The following AGMO variants were observed in gnomAD, a reference collection of about 807,000 sequenced individuals.
AGMO encodes the protein glyceryl-ether monooxygenase.
A neutral mutation model predicts 60.2 loss-of-function variants in AGMO; 75 were observed. The observed-to-expected ratio is 1.25, with a 90% CI of 1.03 to 1.51. The LOEUF is 1.51. AGMO is among the 40% of genes most tolerant of loss of function. AGMO has a pLI of 0.00. For missense variants in AGMO, 763 were observed against 525.5 expected (o/e 1.45, Z -4.42); for synonymous variants, 261 against 177.1 (o/e 1.47, Z -3.76).
chr7:15,133,818 T>C, the AGMO span, among the ~76,000 whole-genome samples: 1 of 152,108 alleles, frequency 6.6e-6, no homozygotes, highest in Non-Finnish European at 1.5e-5. Context: ...AAGTCAGCTG[T>C]TCTGCCAGCC....
intron 3 of AGMO, among the ~76,000 whole-genome samples, chr7:15,473,347 A>G (rs75798182): frequency 6.6e-6 from 1 of 151,976 alleles, no homozygotes; most frequent in Admixed American, 6.6e-5. Context: ...CATTCCATCT[A>G]AAACTATCAC....
At chr7:15,509,203 A>G (rs1783607070) in intron 3 of AGMO, among the ~76,000 whole-genome samples, 1 of 152,128 alleles carries the variant, frequency 6.6e-6, no homozygotes, top group Non-Finnish European at 1.5e-5. Context: ...ATGTTACACT[A>G]TGGTACTGGT....
At chr7:15,254,649 A>C (rs117737632) in intron 12 of AGMO, among the ~76,000 whole-genome samples, 133 of 152,278 alleles carry the variant, frequency 8.7e-4, no homozygotes, top group Non-Finnish European at 1.7e-3. Flanking sequence ...AAATAATAAA[A>C]ATCAGAGCAA....
At chr7:15,348,520 T>A (rs1274903760) in intron 12 of AGMO, among the ~76,000 whole-genome samples, 1 of 152,102 alleles carries the variant, frequency 6.6e-6, no homozygotes, top group East Asian at 1.9e-4. Flanking sequence ...TGCCTTGGAA[T>A]ATCCATTATA....
intron 12 of AGMO, among the ~76,000 whole-genome samples, chr7:15,323,528 G>A (rs955927102): frequency 1.3e-5 from 2 of 152,076 alleles, no homozygotes; most frequent in African/African-American, 4.8e-5. Flanking sequence ...TTTGAGTTTT[G>A]TCTTACAATT....
the AGMO span, among the ~76,000 whole-genome samples, chr7:15,192,480 C>G: frequency 6.6e-6 from 1 of 152,146 alleles, no homozygotes; most frequent in East Asian, 1.9e-4. Context: ...TAGCTCCTTT[C>G]TAGCTCCCCA....
chr7:15,395,701 G>A (rs1022256253), intron 5 of AGMO, among the ~76,000 whole-genome samples: 36 of 152,260 alleles, frequency 2.4e-4, no homozygotes, highest in South Asian at 2.1e-4. Context: ...CTAATTTTAT[G>A]AATGTTTGAA....
chr7:15,238,562 TTAAAA>T (rs1250731620), intron 12 of AGMO, among the ~76,000 whole-genome samples: 1 of 151,554 alleles, frequency 6.6e-6, no homozygotes, highest in Non-Finnish European at 1.5e-5. Flanking sequence ...AATATAGCAA[TTAAAA>T]TAATTTTAAA....
intron 3 of AGMO, among the ~76,000 whole-genome samples, chr7:15,459,189 C>T (rs1044550353): frequency 1.3e-5 from 2 of 152,152 alleles, no homozygotes; most frequent in Non-Finnish European, 1.5e-5. Flanking sequence ...ACACGGGTTT[C>T]GTCAATTTGA....
chr7:15,314,862 G>A (rs965968291), intron 12 of AGMO, among the ~76,000 whole-genome samples: 1 of 151,938 alleles, frequency 6.6e-6, no homozygotes, highest in Admixed American at 6.6e-5. Flanking sequence ...CTTGCTAGAG[G>A]CAGAATAGAA....
intron 12 of AGMO, among the ~76,000 whole-genome samples, chr7:15,322,467 A>C (rs376072785): frequency 2.8e-5 from 2 of 72,106 alleles, no homozygotes; most frequent in African/African-American, 1.0e-4. Context: ...AATATATATA[A>C]ATATATAAAT....
intron 10 of AGMO, among the ~76,000 whole-genome samples, chr7:15,378,997 C>T (rs1310736915): frequency 6.6e-6 from 1 of 152,024 alleles, no homozygotes; most frequent in Admixed American, 6.6e-5. Flanking sequence ...GAATAACCTG[C>T]TCCTGAATCA....
At chr7:15,136,680 C>T in the AGMO span, among the ~76,000 whole-genome samples, 1 of 151,990 alleles carries the variant, frequency 6.6e-6, no homozygotes, top group African/African-American at 2.4e-5. Flanking sequence ...TTTTATGCCA[C>T]ATTTTTTTTT....
At chr7:15,394,776 G>T (rs896096534) in intron 5 of AGMO, among the ~76,000 whole-genome samples, 9 of 152,252 alleles carry the variant, frequency 5.9e-5, no homozygotes, top group African/African-American at 2.2e-4. Context: ...CGGCATTAGG[G>T]TGATCCTACT....
At chr7:15,278,806 C>G (rs1257842889) in intron 12 of AGMO, among the ~76,000 whole-genome samples, 1 of 152,142 alleles carries the variant, frequency 6.6e-6, no homozygotes, top group African/African-American at 2.4e-5. Context: ...CATATTGCTG[C>G]CCTCTGGGGA....
the AGMO span, among the ~76,000 whole-genome samples, chr7:15,123,298 C>A: frequency 6.6e-6 from 1 of 152,082 alleles, no homozygotes; most frequent in Non-Finnish European, 1.5e-5. Context: ...GAACTTCCAA[C>A]ATCCTAAGAT....
At chr7:15,417,273 C>G (rs1371900890) in intron 5 of AGMO, among the ~76,000 whole-genome samples, 1 of 152,118 alleles carries the variant, frequency 6.6e-6, no homozygotes, top group Non-Finnish European at 1.5e-5. Flanking sequence ...TCTTGGCAAA[C>G]AGGAATAAGT....
At chr7:15,452,695 C>T (rs1280706725) in intron 3 of AGMO, among the ~76,000 whole-genome samples, 1 of 152,116 alleles carries the variant, frequency 6.6e-6, no homozygotes, top group Non-Finnish European at 1.5e-5. Flanking sequence ...ATAAGAAGAA[C>T]AGTTACCATG....
intron 12 of AGMO, among the ~76,000 whole-genome samples, chr7:15,334,985 A>T (rs10255103): frequency 0.22 from 33,720 of 152,012 alleles, 3,892 homozygotes; most frequent in Admixed American, 0.25. Flanking sequence ...GTCTGTTTGG[A>T]TTTTTATTGG....
Sources: allele counts gnomAD v4.1 joint callset (sites outside exome capture counted in the v4.1 genomes callset), GRCh38; gene constraint gnomAD v4.1.1; transcripts MANE v1.5; gene names NCBI Gene and HGNC (gene_info 2026-07-23, HGNC 2026-07-21).